ZNF318: variants seen among roughly 807,000 people sequenced by gnomAD.
ZNF318 encodes the protein endocrine regulator.
A neutral mutation model predicts 124.2 loss-of-function variants in ZNF318; 51 were observed. The observed-to-expected ratio is 0.41, with a 90% CI of 0.33 to 0.52. The LOEUF is 0.52. ZNF318 is among the 20% of genes least tolerant of loss of function. The probability of loss-of-function intolerance (pLI) is 0.23; values close to 1 mark genes in which losing one functional copy is unlikely to be tolerated. For missense variants in ZNF318, 2,815 were observed against 2,811.2 expected, an observed-to-expected ratio of 1.00 and a Z score of -0.03; for synonymous variants, 1,090 against 1,040.7, an observed-to-expected ratio of 1.05 and a Z score of -0.91.
chr6:43,338,800 G>T lies in ZNF318; in HGVS notation c.5198C>A (p.Pro1733His), dbSNP rs1779327987. The T allele has an allele frequency of 6.2e-7, 1 of 1,613,966 alleles. No homozygotes were observed. The highest frequency in any genetic ancestry group is 8.5e-7 in the Non-Finnish European group (1 of 1,180,034). ...EPGPPGVEPP[P>H]QLLDIQCKES... ...TTTGCACTGTATATCTAACAGTTGA[G>T]GAGGTGGTTCTACACCAGGTGGTCC... Residue 1733 changes from proline to histidine, a missense_variant, in exon 10 of 10, where the codon CCT (proline) becomes CAT (histidine). Physicochemically the swap from Pro to His is moderately conservative, Grantham distance 77. Transcript: ENST00000361428.
chr6:43,355,046 A>C lies in ZNF318; in HGVS notation c.2288T>G (p.Met763Arg). The change falls in exon 4 of 10, where the codon ATG (methionine) becomes AGG (arginine). Residue 763 changes from methionine to arginine, a missense_variant. Coordinates refer to ENST00000361428, the MANE Select transcript of ZNF318 (RefSeq NM_014345.3). ...PHTAALSQFH[M>R]PRASQFAAAR... is the part of the protein sequence containing the mutation. Reference sequence around the variant, plus strand: ...TGCAGCAAACTGAGAGGCCCTTGGCATGTGAAACTGAGATAAAGCAGCAGT... The same window carrying C: ...TGCAGCAAACTGAGAGGCCCTTGGCCTGTGAAACTGAGATAAAGCAGCAGT... The C allele has an allele frequency of 6.2e-7, 1 of 1,614,064 alleles. No individual in the cohort carries two copies. The highest frequency in any genetic ancestry group is 8.5e-7 in the Non-Finnish European group (1 of 1,179,912).
At chr6:43,358,214 T>TA (rs1779637507) in intron 2 of ZNF318, among the ~76,000 whole-genome samples, 1 of 152,206 alleles carries the variant, frequency 6.6e-6, no homozygotes, top group Non-Finnish European at 1.5e-5. Flanking sequence ...GTCTGTACTT[T>TA]AAAGTTTGAG....
chr6:43,346,252 G>A lies in ZNF318; in HGVS notation c.3072+2072C>T, dbSNP rs574303406. Among the ~76,000 whole-genome samples the A allele has an allele frequency of 1.6e-3, 239 of 149,798 alleles. 1 individual carries two copies. The highest frequency in any genetic ancestry group is 2.8e-3 in the Non-Finnish European group (192 of 67,676). The stretch of plus-strand genomic sequence containing the variant: ...CACGCCTGTAATCCTAGCCCTTTGG[G>A]AGGCCGGATCACGAGGTCAGGAGTT... On this transcript the variant is annotated intron_variant, in intron 6 of 9. Transcript: ENST00000361428.
chr6:43,356,196 T>C (rs760249674), intron 3 of ZNF318, 51 bp from the exon 4 acceptor site: 1 of 1,536,092 alleles, frequency 6.5e-7, no homozygotes, highest in Non-Finnish European at 8.7e-7. Context: ...CTCAGAACAT[T>C]AGTAATTGAG....
At chr6:43,362,744 T>C (rs950886391) in intron 2 of ZNF318, among the ~76,000 whole-genome samples, 12 of 152,030 alleles carry the variant, frequency 7.9e-5, no homozygotes, top group Middle Eastern at 3.2e-3. Flanking sequence ...CCTCAAGTGA[T>C]TGGCCCACCT....
Position 43,340,179 on chromosome 6 carries a change from A to G in ZNF318, c.3819T>C (p.Phe1273=). Residue 1273 remains phenylalanine, a synonymous_variant, in exon 10 of 10, where the codon TTT becomes TTC. Coordinates refer to ENST00000361428, the MANE Select transcript of ZNF318 (RefSeq NM_014345.3). ...CTGGCTTCTTCCAGCTGAATTTCCC[A>G]AAAGAAGATGATGTTGGTGATTCCT... The part of the protein sequence containing the change: ...VKKESPTSSS[F]GKFSWKKPEK... 1 of 1,614,134 alleles carries G rather than the reference A, an allele frequency of 6.2e-7. No individual in the cohort carries two copies. The highest frequency in any genetic ancestry group is 1.1e-5 in the South Asian group (1 of 91,078).
chr6:43,342,382 C>G (rs544402868), intron 7 of ZNF318, among the ~76,000 whole-genome samples, 171 bp from the exon 8 acceptor site: 23 of 138,046 alleles, frequency 1.7e-4, no homozygotes, highest in African/African-American at 5.6e-4. Flanking sequence ...AAGGTAAACA[C>G]ATGTTAGAGC....
chr6:43,344,121 T>A (rs143994935), intron 6 of ZNF318, among the ~76,000 whole-genome samples: 20 of 151,772 alleles, frequency 1.3e-4, no homozygotes, highest in Admixed American at 1.3e-3. Flanking sequence ...GGGAAAAAGG[T>A]AGGATACAGA....
rs1365424581 is a variant in ZNF318 at position 43,369,196 on chromosome 6, G to C, written c.170C>G (p.Pro57Arg). ...GSSSRTPARR[P>R]RSPSGHRGRR... ...GCCGCGGTGCCCTGAGGGCGAGCGG[G>C]GTCGGCGAGCCGGGGTCCGCGACGA... The change falls in exon 1 of 10, where the codon CCC becomes CGC. Residue 57 changes from proline (P) to arginine (R), a missense_variant. Coordinates refer to ENST00000361428, the MANE Select transcript of ZNF318 (RefSeq NM_014345.3). The C allele has an allele frequency of 1.7e-6, 2 of 1,212,008 alleles. No homozygotes were observed. The highest frequency in any genetic ancestry group is 3.4e-5 in the East Asian group (1 of 29,086). 75.1% of individuals were successfully genotyped at this position (1,212,008 alleles called of 1,614,324 possible). A position where few individuals can be genotyped will look rare whatever the true frequency, so the allele number is the denominator to read the frequency against.
rs780525285 is a variant in ZNF318, at chr6:43,357,667, A to C, written c.647T>G (p.Phe216Cys). 5.1e-5 allele frequency: 82 copies of C among 1,613,744 alleles called. No individual in the cohort carries two copies. Among genetic ancestry groups the C allele is most frequent in the Non-Finnish European group, 6.9e-5 (81 of 1,180,012 alleles). ...ISQEEGPLSP[F>C]LGQLDEDYRT... Reference sequence around the variant, plus strand: ...GTAGTCCTCATCAAGTTGTCCCAAGAAGGGACTGAGAGGCCCTTCCTCCTG... The same window carrying C: ...GTAGTCCTCATCAAGTTGTCCCAAGCAGGGACTGAGAGGCCCTTCCTCCTG... The change falls in exon 3 of 10, where the codon TTC (phenylalanine) becomes TGC (cysteine). Residue 216 changes from phenylalanine to cysteine, a missense_variant. Phe to Cys is a radical substitution (Grantham distance 205). This residue lies in a region of ZNF318 where 1,377 missense variants were observed against 1,353.5 expected (regional missense o/e 1.02). Transcript: ENST00000361428.
Position 43,339,751 on chromosome 6 carries a change from A to G in ZNF318, c.4247T>C (p.Ile1416Thr). ...ISKAFGGEEV[I>T]LKGSPEEKVV... Reference sequence around the variant, plus strand: ...TTTTTCCTCTGGAGACCCTTTTAGAATCACCTCTTCCCCTCCAAATGCTTT... The same window carrying G: ...TTTTTCCTCTGGAGACCCTTTTAGAGTCACCTCTTCCCCTCCAAATGCTTT... Residue 1416 changes from isoleucine to threonine, a missense_variant, in exon 10 of 10, where the codon ATT (isoleucine) becomes ACT (threonine). Transcript: ENST00000361428. This position sits in a 1 kb window ranked among gnomAD's most constrained non-coding sequence, Gnocchi z 4.2. The G allele has an allele frequency of 6.2e-7, 1 of 1,614,068 alleles. No homozygotes were observed. The highest frequency in any genetic ancestry group is 1.3e-5 in the African/African-American group (1 of 75,008).
At position 43,355,784 on chromosome 6, in the gene ZNF318, G is replaced by A; in HGVS notation, c.1550C>T (p.Ser517Phe). Residue 517 changes from serine to phenylalanine, a missense_variant, in exon 4 of 10, where the codon TCT becomes TTT. Ser to Phe is a radical substitution (Grantham distance 155). Transcript: ENST00000361428. ...FSRILSMLAD[S>F]TSTQEKRRRS... is the part of the protein sequence containing the mutation. ...TCGCCTTTTTTCCTGTGTACTGGTA[G>A]AATCAGCCAACATGCTCAGAATGCG... The A allele has an allele frequency of 6.2e-7, 1 of 1,614,202 alleles. No individual in the cohort carries two copies. Among genetic ancestry groups the A allele is most frequent in the Non-Finnish European group, 8.5e-7 (1 of 1,180,042 alleles).
rs1204869117 is a variant in ZNF318 at position 43,339,241 on chromosome 6, G to C, written c.4757C>G (p.Ala1586Gly). Residue 1586 changes from alanine (A) to glycine (G), a missense_variant, in exon 10 of 10, where the codon GCC (alanine) becomes GGC (glycine). By Grantham distance (60) the Ala-to-Gly change is moderately conservative. This residue lies in a region of ZNF318 where 927 missense variants were observed against 820.6 expected (regional missense o/e 1.13). Coordinates refer to ENST00000361428, the MANE Select transcript of ZNF318 (RefSeq NM_014345.3). The surrounding 1 kb of genome is among the most constrained non-coding windows in gnomAD (Gnocchi z 4.2). The stretch of plus-strand genomic sequence containing the variant: ...ACCACCACTTAGCTTAGTCTCAGGG[G>C]CCCCCTTAGTCTCAGGGGCCCCCTT... ...GGKGAPETKG[A>G]PETKLSGGPL... The C allele has an allele frequency of 1.2e-6, 2 of 1,610,600 alleles. No homozygotes were observed. Among genetic ancestry groups the C allele is most frequent in the Non-Finnish European group, 1.7e-6 (2 of 1,178,094 alleles).
chr6:43,346,181 CAAAAAAAA>C (rs150168420), intron 6 of ZNF318, among the ~76,000 whole-genome samples: 16 of 72,130 alleles, frequency 2.2e-4, no homozygotes, highest in South Asian at 1.9e-3. Flanking sequence ...GACTCTGTTT[CAAAAAAAA>C]AAAAAAAAAA....
In ZNF318 at chr6:43,339,117, C is replaced by T. The variant is rs1000969062; in HGVS notation, c.4881G>A (p.Leu1627=). The T allele has an allele frequency of 3.7e-6, 6 of 1,614,070 alleles. No homozygotes were observed. The African/African-American group carries it at 8.0e-5, about 22-fold the overall frequency. The change falls in exon 10 of 10, where the codon TTG becomes TTA. Residue 1627 remains leucine (L), a synonymous_variant. Transcript: ENST00000361428. The surrounding 1 kb of genome is among the most constrained non-coding windows in gnomAD (Gnocchi z 4.2). ...CAGCGACCAAACCCTCATCTTGATGCAACTCCTCTTGGGATGCACTGCTGT... is the reference window on the plus strand; with the variant it reads ...CAGCGACCAAACCCTCATCTTGATGTAACTCCTCTTGGGATGCACTGCTGT... ...PLNSSASQEE[L]HQDEGLVAAP...
chr6:43,354,515 C>A lies in ZNF318; in HGVS notation c.2670+149G>T. On this transcript the variant is annotated intron_variant, in intron 4 of 9. Coordinates refer to ENST00000361428, the MANE Select transcript of ZNF318 (RefSeq NM_014345.3). ...AAAACATGTGTGAAAAACAGAGGAA[C>A]AATATACACTTCTTAGGATGATGAC... is the stretch of plus-strand genomic sequence containing the variant. The A allele has an allele frequency of 4.3e-6, 3 of 697,040 alleles. No homozygotes were observed. In the South Asian group the frequency reaches 5.8e-5, roughly 13 times the overall value. 43.2% of individuals were successfully genotyped at this position (697,040 alleles called of 1,614,324 possible).
rs779894093 is a variant in ZNF318 at position 43,352,469 on chromosome 6, T to G, written c.2678A>C (p.Glu893Ala). The G allele has an allele frequency of 6.2e-7, 1 of 1,613,942 alleles. No individual in the cohort carries two copies. The highest frequency in any genetic ancestry group is 8.5e-7 in the Non-Finnish European group (1 of 1,179,876). Residue 893 changes from glutamate to alanine, a missense_variant, in exon 5 of 10, where the codon GAA becomes GCA. By Grantham distance (107) the Glu-to-Ala change is moderately radical (BLOSUM62 -1). Transcript: ENST00000361428. Reference sequence around the variant, plus strand: ...GTCATTCTTTAGTTTTTCCCTCTCTTCAATAACCTGCAAAATACAAAGTGG... The same window carrying G: ...GTCATTCTTTAGTTTTTCCCTCTCTGCAATAACCTGCAAAATACAAAGTGG... ...NRASQKQKVI[E>A]EREKLKNDRE...
At chr6:43,364,962 T>C (rs1241004165) in intron 2 of ZNF318, among the ~76,000 whole-genome samples, 3 of 152,244 alleles carry the variant, frequency 2.0e-5, no homozygotes, top group African/African-American at 4.8e-5. Flanking sequence ...GGACTGCTCA[T>C]AGTTTCACTG....
In ZNF318 at chr6:43,338,111, T is replaced by G. The variant is rs1301618484; in HGVS notation, c.5887A>C (p.Lys1963Gln). 1.2e-6 allele frequency: 2 copies of G among 1,613,566 alleles called. No homozygotes were observed. The highest frequency in any genetic ancestry group is 4.5e-5 in the East Asian group (2 of 44,886). The change falls in exon 10 of 10, where the codon AAG becomes CAG. Residue 1963 changes from lysine (K) to glutamine (Q), a missense_variant. Coordinates refer to ENST00000361428, the MANE Select transcript of ZNF318 (RefSeq NM_014345.3). ...IYELAVWDEN[K>Q]KRPETWESPE... ...CTCTCCCAGGTCTCTGGCCTCTTCT[T>G]GTTTTCATCCCAAACAGCCAACTCA...
Sources: allele counts gnomAD v4.1 joint callset (sites outside exome capture counted in the v4.1 genomes callset), GRCh38; gene constraint gnomAD v4.1.1; regional missense constraint gnomAD v4.1.1; non-coding constraint Gnocchi (gnomAD v3.1); transcripts MANE v1.5; gene names NCBI Gene and HGNC (gene_info 2026-07-23, HGNC 2026-07-21).